The following ARHGAP15 variants were observed in gnomAD, a reference collection of about 807,000 sequenced individuals.
ARHGAP15 encodes Rho GTPase activating protein 15.
In ARHGAP15, 51 loss-of-function variants were observed where a neutral mutation model predicts 63.7. The ratio of observed to expected loss-of-function variants is 0.80; its 90% confidence interval spans 0.64 to 1.01. The LOEUF is 1.01. ARHGAP15 is among the 50% of genes least tolerant of loss of function. The probability of loss-of-function intolerance (pLI) is 0.00; values close to 1 mark genes in which losing one functional copy is unlikely to be tolerated. For synonymous variants in ARHGAP15, 191 were observed against 193.8 expected (o/e 0.99, Z 0.12); for missense variants, 560 against 564.6 (o/e 0.99, Z 0.08).
chr2:143,557,209 T>C (rs1328665831), intron 11 of ARHGAP15, among the ~76,000 whole-genome samples: 1 of 152,168 alleles, frequency 6.6e-6, no homozygotes, highest in African/African-American at 2.4e-5. Context: ...CGGCAGCTTT[T>C]TTCATAATTG....
At chr2:143,267,390 T>A (rs1681049249) in intron 6 of ARHGAP15, among the ~76,000 whole-genome samples, 1 of 152,200 alleles carries the variant, frequency 6.6e-6, no homozygotes, top group African/African-American at 2.4e-5. Flanking sequence ...CTGTTAAGTG[T>A]CAAGTTATTC....
intron 10 of ARHGAP15, among the ~76,000 whole-genome samples, chr2:143,554,508 AAATT>A (rs1297984979): frequency 1.3e-5 from 2 of 152,136 alleles, no homozygotes; most frequent in African/African-American, 4.8e-5. Context: ...ATGCTCAAAA[AAATT>A]AAGAGGGAAA....
intron 5 of ARHGAP15, among the ~76,000 whole-genome samples, chr2:143,245,140 G>C (rs1436025795): frequency 1.3e-5 from 2 of 152,184 alleles, no homozygotes; most frequent in African/African-American, 4.8e-5. Flanking sequence ...ACATATGGCA[G>C]GTAATGGGAC....
At chr2:143,724,969 C>A (rs766158142) in intron 13 of ARHGAP15, among the ~76,000 whole-genome samples, 1 of 152,146 alleles carries the variant, frequency 6.6e-6, no homozygotes, top group Admixed American at 6.5e-5. Flanking sequence ...TATCTAATAA[C>A]CACACTCTAG....
chr2:143,390,399 C>A lies in ARHGAP15; in HGVS notation c.475-45202C>A, dbSNP rs551319316. 1.9e-3 allele frequency among the ~76,000 whole-genome samples: 289 copies of A among 152,310 alleles called. 2 individuals carry two copies. Among genetic ancestry groups the A allele is most frequent in the African/African-American group, 6.8e-3 (283 of 41,570 alleles). On this transcript the variant is annotated intron_variant, in intron 6 of 13. Coordinates refer to ENST00000295095, the MANE Select transcript of ARHGAP15 (RefSeq NM_018460.4). ...TGTCAGCTAAAGCTCATCTGTCCCT[C>A]CACATTACCACCTGATCTGTGCTAA...
At chr2:143,418,847 C>G (rs142922450) in intron 6 of ARHGAP15, among the ~76,000 whole-genome samples, 3 of 152,070 alleles carry the variant, frequency 2.0e-5, no homozygotes, top group Admixed American at 1.3e-4. Flanking sequence ...AGGGAAAGAG[C>G]AGTATTCACA....
chr2:143,360,171 G>C (rs954404670), intron 6 of ARHGAP15, among the ~76,000 whole-genome samples: 1 of 151,552 alleles, frequency 6.6e-6, no homozygotes, highest in Non-Finnish European at 1.5e-5. Context: ...TAGAGGCCTG[G>C]AGTTAGGAAC....
intron 6 of ARHGAP15, among the ~76,000 whole-genome samples, chr2:143,346,264 A>ACG (rs1685296360): frequency 6.6e-6 from 1 of 150,752 alleles, no homozygotes; most frequent in African/African-American, 2.5e-5. Context: ...ACACACACAC[A>ACG]CACACACACA....
At chr2:143,618,687 G>C (rs537446641) in intron 11 of ARHGAP15, among the ~76,000 whole-genome samples, 2 of 152,288 alleles carry the variant, frequency 1.3e-5, no homozygotes, top group Non-Finnish European at 2.9e-5. Context: ...TTCTATTCTG[G>C]ATAGTCCAAG....
intron 10 of ARHGAP15, among the ~76,000 whole-genome samples, chr2:143,523,629 C>G (rs1463690242): frequency 1.3e-5 from 2 of 151,962 alleles, no homozygotes; most frequent in Non-Finnish European, 2.9e-5. Flanking sequence ...TATTTCTACC[C>G]TAAAGATATT....
intron 3 of ARHGAP15, among the ~76,000 whole-genome samples, chr2:143,214,602 C>T (rs886146680): frequency 2.6e-5 from 4 of 152,096 alleles, no homozygotes; most frequent in African/African-American, 9.7e-5. Context: ...AAGAAATCTT[C>T]CTTAGATGCT....
At chr2:143,671,521 T>C (rs34161916) in intron 12 of ARHGAP15, among the ~76,000 whole-genome samples, 3 of 152,202 alleles carry the variant, frequency 2.0e-5, no homozygotes, top group Admixed American at 1.3e-4. Flanking sequence ...TTAGATATTG[T>C]TTTATCTTTG....
At chr2:143,259,730 C>A (rs1231128334) in intron 6 of ARHGAP15, among the ~76,000 whole-genome samples, 2 of 151,970 alleles carry the variant, frequency 1.3e-5, no homozygotes, top group African/African-American at 4.8e-5. Flanking sequence ...CCTGTCTTGT[C>A]GTGGAATGGA....
chr2:143,310,813 A>G (rs1255630190), intron 6 of ARHGAP15, among the ~76,000 whole-genome samples: 5 of 152,052 alleles, frequency 3.3e-5, no homozygotes, highest in African/African-American at 9.6e-5. Context: ...CTAAAACTCT[A>G]TAAAATGTTT....
intron 6 of ARHGAP15, among the ~76,000 whole-genome samples, chr2:143,392,981 G>C (rs959009391): frequency 1.3e-5 from 2 of 152,088 alleles, no homozygotes; most frequent in African/African-American, 4.8e-5. Context: ...TGTGTGTAAA[G>C]GAGAAGAAGA....
chr2:143,296,523 T>C (rs1024870479), intron 6 of ARHGAP15, among the ~76,000 whole-genome samples: 1 of 152,020 alleles, frequency 6.6e-6, no homozygotes, highest in African/African-American at 2.4e-5. Context: ...AGCCATCCGG[T>C]AAGGTAGTTT....
intron 10 of ARHGAP15, among the ~76,000 whole-genome samples, chr2:143,526,108 G>T (rs749952852): frequency 5.9e-5 from 9 of 151,462 alleles, no homozygotes; most frequent in Non-Finnish European, 1.3e-4. Flanking sequence ...TCTGTATACG[G>T]AGCTGGTTAT....
intron 5 of ARHGAP15, among the ~76,000 whole-genome samples, chr2:143,239,701 A>G (rs752192981): frequency 6.6e-6 from 1 of 152,046 alleles, no homozygotes; most frequent in Non-Finnish European, 1.5e-5. Flanking sequence ...GTTTTTTTTT[A>G]AAAGATTAGT....
chr2:143,310,357 G>A (rs1683386487), intron 6 of ARHGAP15, among the ~76,000 whole-genome samples: 1 of 151,978 alleles, frequency 6.6e-6, no homozygotes, highest in African/African-American at 2.4e-5. Context: ...TATTATATCG[G>A]TATGTTATCA....
Sources: allele counts gnomAD v4.1 joint callset (sites outside exome capture counted in the v4.1 genomes callset), GRCh38; gene constraint gnomAD v4.1.1; transcripts MANE v1.5; gene names NCBI Gene and HGNC (gene_info 2026-07-23, HGNC 2026-07-21).